Variants in PLD5 observed in about 807,000 individuals in gnomAD.
The protein encoded by PLD5 is inactive phospholipase D5.
Under a neutral mutation model 61.1 loss-of-function variants are expected in PLD5, and 36 were observed. The ratio of observed to expected loss-of-function variants is 0.59; its 90% CI spans 0.45 to 0.78. PLD5 has a LOEUF of 0.78. PLD5 is among the 30% of genes least tolerant of loss of function. PLD5 has a pLI of 0.00. For missense variants in PLD5, 515 were observed against 644.4 expected, an observed-to-expected ratio of 0.80 and a Z score of 2.17; for synonymous variants, 243 against 242.8, an observed-to-expected ratio of 1.00 and a Z score of -0.01.
chr1:242,475,315 C>T (rs940492368), intron 1 of PLD5, among the ~76,000 whole-genome samples: 4 of 150,678 alleles, frequency 2.7e-5, no homozygotes, highest in Non-Finnish European at 5.9e-5. Context: ...CCCAGCTACT[C>T]GGGAGGCTGA....
chr1:242,526,139 A>T (rs1210372586), upstream of PLD5, among the ~76,000 whole-genome samples: 2 of 152,212 alleles, frequency 1.3e-5, no homozygotes, highest in East Asian at 3.8e-4. Flanking sequence ...GGAGTGGCTC[A>T]GGTTTGTAAT....
At chr1:242,243,042 A>G (rs1232511296) in intron 4 of PLD5, among the ~76,000 whole-genome samples, 2 of 152,246 alleles carry the variant, frequency 1.3e-5, no homozygotes, top group Non-Finnish European at 2.9e-5. Flanking sequence ...CTTCTCAGGC[A>G]ATTTCATCTG....
intron 2 of PLD5, among the ~76,000 whole-genome samples, chr1:242,328,350 T>G (rs1351254385): frequency 2.0e-5 from 3 of 151,886 alleles, no homozygotes; most frequent in African/African-American, 7.3e-5. Flanking sequence ...GTGTTCTACA[T>G]GTGTGTTCTA....
chr1:242,184,878 G>A (rs534247959), intron 5 of PLD5, among the ~76,000 whole-genome samples: 210 of 152,292 alleles, frequency 1.4e-3, no homozygotes, highest in African/African-American at 4.7e-3. Flanking sequence ...TTCCTGAGGT[G>A]CAGGGCAATC....
chr1:242,104,489 AAGGATCTCTTCTACATGC>A (rs998446554), intron 8 of PLD5, among the ~76,000 whole-genome samples: 1 of 152,134 alleles, frequency 6.6e-6, no homozygotes, highest in Non-Finnish European at 1.5e-5. Context: ...TTGTAACTGC[AAGGATCTCTTCTACATGC>A]AGACGCCATG....
At chr1:242,451,784 T>C (rs115025714) in intron 1 of PLD5, among the ~76,000 whole-genome samples, 296 of 152,136 alleles carry the variant, frequency 1.9e-3, no homozygotes, top group Non-Finnish European at 3.4e-3. Flanking sequence ...GGCAACCTAC[T>C]GGCTGTAAGG....
intron 1 of PLD5, among the ~76,000 whole-genome samples, chr1:242,466,324 C>T (rs541975554): frequency 6.6e-6 from 1 of 152,062 alleles, no homozygotes; most frequent in South Asian, 2.1e-4. Flanking sequence ...CTGAATAGAA[C>T]TGTAGAAAAA....
At position 242,349,482 on chromosome 1, in the gene PLD5, C is replaced by T. The variant is rs1241662465; in HGVS notation, c.190-1240G>A. Among the ~76,000 whole-genome samples, 4 of 152,054 alleles carry T rather than the reference C, an allele frequency of 2.6e-5. No individual in the cohort carries two copies. In the East Asian group the frequency reaches 5.8e-4, roughly 22 times the overall value. ...TTCCATTTAGATGGATGGGTTGTTT[C>T]GAATTTTATTTTTGGTTTACAACGT... On this transcript the variant is annotated intron_variant, in intron 1 of 9. Transcript: ENST00000536534.
chr1:242,344,272 A>G (rs568516917), intron 2 of PLD5, among the ~76,000 whole-genome samples: 5 of 152,282 alleles, frequency 3.3e-5, no homozygotes, highest in South Asian at 2.1e-4. Flanking sequence ...ACCGAAGCCA[A>G]TAGCCTCTAA....
rs75401237 is a variant in PLD5 at position 242,449,359 on chromosome 1, C to T, written c.189+74729G>A. 0.019 allele frequency: 28,725 copies of T among 1,536,050 alleles called. 1,326 individuals carry two copies. The East Asian group carries it at 0.2, about 11-fold the overall frequency. On this transcript the variant is annotated intron_variant, in intron 1 of 9. Transcript: ENST00000536534. ...AAAACTCCAGAGTTTCTTACCATTG[C>T]GACCAATCTTCCTTCCCTCCCTGCG... is the stretch of plus-strand genomic sequence containing the variant.
At chr1:242,366,079 T>C (rs978167425) in intron 1 of PLD5, among the ~76,000 whole-genome samples, 1 of 152,220 alleles carries the variant, frequency 6.6e-6, no homozygotes, top group Non-Finnish European at 1.5e-5. Flanking sequence ...AGCTTCCCAA[T>C]TCATTCTATG....
chr1:242,470,267 C>T (rs544244084), intron 1 of PLD5, among the ~76,000 whole-genome samples: 387 of 151,334 alleles, frequency 2.6e-3, no homozygotes, highest in African/African-American at 8.6e-3. Flanking sequence ...GCGTGAACCC[C>T]GGAGGCGGAG....
chr1:242,348,152 C>T lies in PLD5; in HGVS notation c.280G>A (p.Glu94Lys). Reference protein sequence around the residue: ...LIFSAVDIMGEDEDGLSEKNC... With the variant: ...LIFSAVDIMGKDEDGLSEKNC... ...TTTTCTGAGAGTCCATCCTCATCCT[C>T]TCCCATGATGTCCACGGCTGAAAAG... The change falls in exon 2 of 10, where the codon GAG becomes AAG. Residue 94 changes from glutamate to lysine, a missense_variant. Physicochemically the swap from Glu to Lys is moderately conservative, Grantham distance 56. Around this residue, in one of 2 missense-constraint regions of PLD5, gnomAD observed 450 missense variants for 598.1 expected, o/e 0.75. Coordinates refer to ENST00000536534, the MANE Select transcript of PLD5 (RefSeq NM_001372062.1). 1 of 1,613,898 alleles carries T rather than the reference C, an allele frequency of 6.2e-7. No individual in the cohort carries two copies. Among genetic ancestry groups the T allele is most frequent in the South Asian group, 1.1e-5 (1 of 91,064 alleles).
At chr1:242,450,899 T>C (rs1666751510) in intron 1 of PLD5, among the ~76,000 whole-genome samples, 1 of 152,192 alleles carries the variant, frequency 6.6e-6, no homozygotes, top group Admixed American at 6.5e-5. Flanking sequence ...TTTAAGGGGT[T>C]ACATGAATTC....
In PLD5 at chr1:242,224,370, A is replaced by G. The variant is rs569533931; in HGVS notation, c.608-4255T>C. On this transcript the variant is annotated intron_variant, in intron 4 of 9. Coordinates refer to ENST00000536534, the MANE Select transcript of PLD5 (RefSeq NM_001372062.1). ...AGGCCTTTTTTTTACAATGTCACAT[A>G]TTTTTTAAAAATATATAGAATGCCA... 9.9e-5 allele frequency among the ~76,000 whole-genome samples: 15 copies of G among 152,284 alleles called. No homozygotes were observed. In the South Asian group the frequency reaches 2.9e-3, roughly 29 times the overall value.
At chr1:242,159,151 A>AAGAC (rs1323217566) in intron 5 of PLD5, among the ~76,000 whole-genome samples, 1 of 146,964 alleles carries the variant, frequency 6.8e-6, no homozygotes, top group Non-Finnish European at 1.5e-5. Context: ...CATCTTGTAT[A>AAGAC]AGACAGTATA....
intron 5 of PLD5, among the ~76,000 whole-genome samples, chr1:242,165,472 C>T (rs2148860218): frequency 6.7e-6 from 1 of 149,768 alleles, no homozygotes; most frequent in Non-Finnish European, 1.5e-5. Flanking sequence ...AAAAAACCTG[C>T]CAGCAACCAG....
chr1:242,387,781 C>T (rs144986268), intron 1 of PLD5, among the ~76,000 whole-genome samples: 19 of 149,650 alleles, frequency 1.3e-4, no homozygotes, highest in Non-Finnish European at 2.4e-4. Flanking sequence ...TAAGTGACAA[C>T]GAAAGCTGTT....
Position 242,505,813 on chromosome 1 carries a change from C to T in PLD5, c.189+18275G>A, listed in dbSNP as rs532603477. Among the ~76,000 whole-genome samples the T allele has an allele frequency of 2.0e-5, 3 of 152,328 alleles. No homozygotes were observed. In the South Asian group the frequency reaches 6.2e-4, roughly 32 times the overall value. ...ATGTCCACATCCACAGACCAACCAG[C>T]CTGCTGGGGAATCATTACCTCCTTC... On this transcript the variant is annotated intron_variant, in intron 1 of 9. Transcript: ENST00000536534.
Sources: allele counts gnomAD v4.1 joint callset (sites outside exome capture counted in the v4.1 genomes callset), GRCh38; gene constraint gnomAD v4.1.1; regional missense constraint gnomAD v4.1.1; transcripts MANE v1.5; gene names NCBI Gene and HGNC (gene_info 2026-07-23, HGNC 2026-07-21).